RXFP1: variants seen among roughly 807,000 people sequenced by gnomAD.
RXFP1 encodes the protein relaxin family peptide receptor 1, also known as relaxin receptor 1.
RXFP1 carries 73 observed loss-of-function variants against 89.8 expected under a neutral mutation model. The observed-to-expected ratio is 0.81, with a 90% CI of 0.67 to 0.99. The LOEUF (loss-of-function observed/expected upper bound fraction) is 0.99, where lower values mean the gene tolerates loss of function less well. Among genes scored for constraint, RXFP1 ranks in the 50% least tolerant of loss-of-function variants. The probability of loss-of-function intolerance (pLI) is 0.00; values close to 1 mark genes in which losing one functional copy is unlikely to be tolerated. For synonymous variants in RXFP1, 277 were observed against 305.5 expected (o/e 0.91, Z 0.97); for missense variants, 793 against 895.5 (o/e 0.89, Z 1.46).
chr4:158,554,960 C>G (rs1224584281), intron 1 of RXFP1, among the ~76,000 whole-genome samples: 1 of 152,052 alleles, frequency 6.6e-6, no homozygotes, highest in Non-Finnish European at 1.5e-5. Context: ...AAACACAATA[C>G]TTTAAAAAAA....
chr4:158,560,257 C>A (rs1752156494), intron 1 of RXFP1, among the ~76,000 whole-genome samples: 1 of 152,184 alleles, frequency 6.6e-6, no homozygotes, highest in South Asian at 2.1e-4. Context: ...GACTGAGTCC[C>A]AGAGAAAGAT....
intron 2 of RXFP1, among the ~76,000 whole-genome samples, chr4:158,575,962 C>A (rs573840574): frequency 1.3e-5 from 2 of 152,134 alleles, no homozygotes; most frequent in African/African-American, 4.8e-5. Context: ...CTGGTCTCAG[C>A]TGGATTTTCT....
At chr4:158,606,531 A>G (rs959380857) in intron 5 of RXFP1, among the ~76,000 whole-genome samples, 9 of 152,104 alleles carry the variant, frequency 5.9e-5, no homozygotes, top group African/African-American at 2.2e-4. Context: ...ATAAATGAGA[A>G]CCATTCATTA....
At chr4:158,631,959 G>C (rs1292416066) in intron 11 of RXFP1, among the ~76,000 whole-genome samples, 1 of 152,130 alleles carries the variant, frequency 6.6e-6, no homozygotes, top group Non-Finnish European at 1.5e-5. Context: ...TGGGCATGGT[G>C]GCATATGGCT....
intron 14 of RXFP1, among the ~76,000 whole-genome samples, chr4:158,643,615 G>C (rs942659135): frequency 1.2e-4 from 19 of 152,042 alleles, no homozygotes; most frequent in African/African-American, 4.6e-4. Flanking sequence ...GGGACTACAG[G>C]TGTGCGCCAC....
chr4:158,605,507 G>A (rs60045041), intron 5 of RXFP1, among the ~76,000 whole-genome samples: 33,774 of 152,000 alleles, frequency 0.22, 5,545 homozygotes, highest in African/African-American at 0.46. Context: ...TCAGATTCAC[G>A]ATGAAGAAAG....
intron 1 of RXFP1, among the ~76,000 whole-genome samples, chr4:158,547,507 T>G (rs1196600254): frequency 2.0e-5 from 3 of 152,142 alleles, no homozygotes; most frequent in Admixed American, 2.0e-4. Flanking sequence ...GAATGTGTTT[T>G]CTCTTGCTTT....
At chr4:158,554,294 A>G (rs2149903860) in intron 1 of RXFP1, among the ~76,000 whole-genome samples, 1 of 152,262 alleles carries the variant, frequency 6.6e-6, no homozygotes, top group Non-Finnish European at 1.5e-5. Context: ...TTTTATTATT[A>G]AAAGAATACT....
chr4:158,526,254 A>G (rs1742483708), intron 1 of RXFP1, among the ~76,000 whole-genome samples: 1 of 152,260 alleles, frequency 6.6e-6, no homozygotes, highest in Non-Finnish European at 1.5e-5. Context: ...TTTTGTTTGC[A>G]GCACATGAAA....
chr4:158,593,735 A>G (rs1759998540), intron 3 of RXFP1, among the ~76,000 whole-genome samples: 1 of 152,236 alleles, frequency 6.6e-6, no homozygotes, highest in African/African-American at 2.4e-5. Context: ...TTAAGTGTAG[A>G]AGTAATAAAT....
chr4:158,597,049 G>A (rs538224088), intron 3 of RXFP1, among the ~76,000 whole-genome samples: 2 of 152,116 alleles, frequency 1.3e-5, no homozygotes, highest in Non-Finnish European at 2.9e-5. Flanking sequence ...ACAATTTGTG[G>A]GGGGTAGTGC....
chr4:158,629,786 A>G (rs1767676984), intron 11 of RXFP1, among the ~76,000 whole-genome samples: 1 of 151,820 alleles, frequency 6.6e-6, no homozygotes, highest in African/African-American at 2.4e-5. Flanking sequence ...CACCATGCCC[A>G]GCCAATTTTT....
chr4:158,620,926 GC>G (rs1190128408), intron 9 of RXFP1, among the ~76,000 whole-genome samples: 1 of 152,100 alleles, frequency 6.6e-6, no homozygotes, highest in Non-Finnish European at 1.5e-5. Context: ...TTTGAGACCA[GC>G]CTGGGCAACA....
At chr4:158,574,510 G>A (rs1755806715) in intron 2 of RXFP1, among the ~76,000 whole-genome samples, 1 of 152,112 alleles carries the variant, frequency 6.6e-6, no homozygotes, top group Non-Finnish European at 1.5e-5. Context: ...AACTTAAATT[G>A]TCTTTCTAAA....
chr4:158,580,438 T>A (rs1414495632), intron 2 of RXFP1, among the ~76,000 whole-genome samples: 2 of 152,134 alleles, frequency 1.3e-5, no homozygotes, highest in Non-Finnish European at 2.9e-5. Flanking sequence ...ATATACCAAG[T>A]CTTTCTTGAG....
intron 1 of RXFP1, among the ~76,000 whole-genome samples, chr4:158,530,986 C>G (rs1743901108): frequency 6.6e-6 from 1 of 152,136 alleles, no homozygotes; most frequent in African/African-American, 2.4e-5. Flanking sequence ...TAAACGTTAG[C>G]AGGTTCAATT....
At chr4:158,546,025 A>G (rs182352483) in intron 1 of RXFP1, among the ~76,000 whole-genome samples, 32,108 of 151,952 alleles carry the variant, frequency 0.21, 4,727 homozygotes, top group African/African-American at 0.4. Context: ...GATTGAATCT[A>G]TAAATTACCT....
chr4:158,546,431 A>G (rs1275576327), intron 1 of RXFP1, among the ~76,000 whole-genome samples: 1 of 152,190 alleles, frequency 6.6e-6, no homozygotes, highest in Non-Finnish European at 1.5e-5. Flanking sequence ...TCCTAATTGA[A>G]TGCCCTTTAT....
rs189451635 is a variant in RXFP1 at position 158,547,397 on chromosome 4, C to T, written c.50-25301C>T. ...CAATTTTGTTGATCCTTTCAAAAAA[C>T]GAGCTCCTGGATTCATTAAATTTTT... is the stretch of plus-strand genomic sequence containing the variant. On this transcript the variant is annotated intron_variant, in intron 1 of 17. Coordinates refer to ENST00000307765, the MANE Select transcript of RXFP1 (RefSeq NM_021634.4). Among the ~76,000 whole-genome samples the T allele has an allele frequency of 4.2e-3, 632 of 152,222 alleles. 5 individuals carry two copies. Among genetic ancestry groups the T allele is most frequent in the African/African-American group, 0.014 (594 of 41,518 alleles).
Sources: gnomAD v4.1 joint callset for allele counts (sites outside exome capture counted in the v4.1 genomes callset) on GRCh38, gnomAD v4.1.1 for gene constraint, MANE v1.5 for transcripts, NCBI Gene and HGNC (gene_info 2026-07-23, HGNC 2026-07-21) for gene names.